CSMD1: variants seen among roughly 807,000 people sequenced by gnomAD.
CSMD1 encodes CUB and sushi domain-containing protein 1.
Under a neutral mutation model 417.5 loss-of-function variants are expected in CSMD1, and 213 were observed. That is an observed-to-expected ratio of 0.51 (90% CI 0.46 to 0.57). The LOEUF is 0.57. Ranked by LOEUF, CSMD1 falls within the 20% of genes least tolerant of loss-of-function variation. CSMD1 has a pLI of 0.00. For synonymous variants in CSMD1, 2,862 were observed against 1,736.8 expected (o/e 1.65, Z -16.11); for missense variants, 6,923 against 4,529.7 (o/e 1.53, Z -15.17).
intron 8 of CSMD1, among the ~76,000 whole-genome samples, chr8:3,591,320 T>G (rs1800835069): frequency 6.6e-6 from 1 of 152,214 alleles, no homozygotes; most frequent in South Asian, 2.1e-4. Flanking sequence ...GTATTTGATT[T>G]CGGAAGACAT....
intron 1 of CSMD1, among the ~76,000 whole-genome samples, chr8:4,853,373 T>C (rs763763082): frequency 7.2e-5 from 11 of 152,188 alleles, no homozygotes; most frequent in East Asian, 3.9e-4. Context: ...GCTCTATCCA[T>C]GGCTCAAAGT....
At chr8:4,246,673 A>C (rs1802732368) in intron 3 of CSMD1, among the ~76,000 whole-genome samples, 1 of 152,194 alleles carries the variant, frequency 6.6e-6, no homozygotes, top group Admixed American at 6.5e-5. Context: ...ACAAAAAACA[A>C]CTTAACCCAT....
At position 4,933,700 on chromosome 8, in the gene CSMD1, T is replaced by C. The variant is rs143094493; in HGVS notation, c.85+60632A>G. On this transcript the variant is annotated intron_variant, in intron 1 of 69. Transcript: ENST00000635120. ...AAGGAAGGAAAGATAAATGGATGGA[T>C]GGAAGAATGGATGAATGCACAGATG... 6.6e-5 allele frequency among the ~76,000 whole-genome samples: 10 copies of C among 152,286 alleles called. 1 individual carries two copies. Among genetic ancestry groups the C allele is most frequent in the African/African-American group, 2.2e-4 (9 of 41,554 alleles).
intron 26 of CSMD1, among the ~76,000 whole-genome samples, chr8:3,238,832 G>A (rs1319277583): frequency 6.6e-6 from 1 of 152,190 alleles, no homozygotes; most frequent in Non-Finnish European, 1.5e-5. Context: ...GTGGCAGGTT[G>A]GGGATGGCAC....
chr8:4,668,993 T>C (rs1320948382), intron 1 of CSMD1, among the ~76,000 whole-genome samples: 1 of 152,210 alleles, frequency 6.6e-6, no homozygotes, highest in Non-Finnish European at 1.5e-5. Flanking sequence ...CTTAGGTGTC[T>C]AATCTTCCTT....
chr8:4,351,987 G>C (rs953545358), intron 3 of CSMD1, among the ~76,000 whole-genome samples: 14 of 144,170 alleles, frequency 9.7e-5, no homozygotes, highest in African/African-American at 3.1e-4. Context: ...TGAGTGGCTT[G>C]AAACACGGGT....
chr8:3,922,540 C>G (rs958759050), intron 5 of CSMD1, among the ~76,000 whole-genome samples: 4 of 151,388 alleles, frequency 2.6e-5, no homozygotes, highest in Admixed American at 1.3e-4. Flanking sequence ...TTTTGTATAC[C>G]TACTAGAGTT....
At chr8:4,167,564 A>C (rs1462464796) in intron 3 of CSMD1, among the ~76,000 whole-genome samples, 3 of 152,242 alleles carry the variant, frequency 2.0e-5, no homozygotes. Flanking sequence ...AGAAATTAGC[A>C]GCAAAAATTC....
intron 12 of CSMD1, among the ~76,000 whole-genome samples, chr8:3,457,274 C>G (rs1003162355): frequency 6.6e-6 from 1 of 152,032 alleles, no homozygotes; most frequent in Non-Finnish European, 1.5e-5. Flanking sequence ...TGCCCTGTAC[C>G]CCTCATCTTC....
At position 3,500,707 on chromosome 8, in the gene CSMD1, T is replaced by C. The variant is rs139621559; in HGVS notation, c.1345-6981A>G. 7.3e-3 allele frequency among the ~76,000 whole-genome samples: 1,115 copies of C among 152,260 alleles called. 12 individuals carry two copies. The highest frequency in any genetic ancestry group is 0.027 in the Middle Eastern group (8 of 294). ...AATGCTACTAAGAATGTGAATTAGA[T>C]GAGCTCTAAGATGAGACGTGTGGGC... On this transcript the variant is annotated intron_variant, in intron 10 of 69. Coordinates refer to ENST00000635120, the MANE Select transcript of CSMD1 (RefSeq NM_033225.6).
At chr8:3,471,182 G>A (rs545671544) in intron 11 of CSMD1, among the ~76,000 whole-genome samples, 19 of 152,224 alleles carry the variant, frequency 1.2e-4, no homozygotes, top group African/African-American at 3.4e-4. Flanking sequence ...CGGTGTTGTC[G>A]GCATTTTTCC....
intron 5 of CSMD1, among the ~76,000 whole-genome samples, chr8:3,756,344 C>A (rs571684808): frequency 9.9e-6 from 1 of 100,974 alleles, no homozygotes; most frequent in East Asian, 2.3e-4. Flanking sequence ...CACACTGAGA[C>A]TCCATCTCAA....
At chr8:4,124,183 G>A (rs1389319806) in intron 3 of CSMD1, among the ~76,000 whole-genome samples, 5 of 152,070 alleles carry the variant, frequency 3.3e-5, no homozygotes. Context: ...GAGGAAGTGG[G>A]GGTGGGCAGT....
intron 2 of CSMD1, among the ~76,000 whole-genome samples, chr8:4,459,082 G>A (rs1308207690): frequency 6.6e-6 from 1 of 152,116 alleles, no homozygotes; most frequent in Non-Finnish European, 1.5e-5. Flanking sequence ...CTCTCTACCT[G>A]CAGATTCCAG....
intron 2 of CSMD1, among the ~76,000 whole-genome samples, chr8:4,571,066 C>A: frequency 6.6e-6 from 1 of 152,046 alleles, no homozygotes; most frequent in East Asian, 1.9e-4. Flanking sequence ...AGCAGTCTAT[C>A]AATTTGTTAA....
At chr8:4,393,417 G>T (rs1803990159) in intron 3 of CSMD1, among the ~76,000 whole-genome samples, 1 of 152,134 alleles carries the variant, frequency 6.6e-6, no homozygotes, top group Non-Finnish European at 1.5e-5. Flanking sequence ...ATTTAATAGG[G>T]AAAATACATA....
chr8:3,816,672 A>G (rs934267853), intron 5 of CSMD1, among the ~76,000 whole-genome samples: 1 of 152,210 alleles, frequency 6.6e-6, no homozygotes, highest in Non-Finnish European at 1.5e-5. Flanking sequence ...AATATTTAAG[A>G]TGGATATCTC....
chr8:3,637,885 T>C (rs1797125739), intron 7 of CSMD1, among the ~76,000 whole-genome samples: 1 of 152,202 alleles, frequency 6.6e-6, no homozygotes, highest in African/African-American at 2.4e-5. Flanking sequence ...GATGGTTTTC[T>C]ACAGAGCAGT....
chr8:3,432,010 G>C (rs1004239829), intron 12 of CSMD1, among the ~76,000 whole-genome samples: 1 of 152,128 alleles, frequency 6.6e-6, no homozygotes, highest in African/African-American at 2.4e-5. Flanking sequence ...AGATCACTGT[G>C]TGAATTCCAT....
Sources: gnomAD v4.1 joint callset for allele counts (sites outside exome capture counted in the v4.1 genomes callset) on GRCh38, gnomAD v4.1.1 for gene constraint, MANE v1.5 for transcripts, NCBI Gene and HGNC (gene_info 2026-07-23, HGNC 2026-07-21) for gene names.